NPHP1: variants seen among roughly 807,000 people sequenced by gnomAD.
NPHP1 encodes the protein nephrocystin-1.
Under a neutral mutation model 90.4 loss-of-function variants are expected in NPHP1, and 70 were observed. That is an observed-to-expected ratio of 0.77 (90% CI 0.64 to 0.95). The LOEUF (loss-of-function observed/expected upper bound fraction) is 0.95. NPHP1 is among the 40% of genes least tolerant of loss of function. NPHP1 has a pLI of 0.00. For synonymous variants in NPHP1, 256 were observed against 271.7 expected (o/e 0.94, Z 0.57); for missense variants, 764 against 795.9 (o/e 0.96, Z 0.48).
intron 5 of NPHP1, among the ~76,000 whole-genome samples, chr2:110,169,310 T>C (rs1211112284): frequency 1.3e-5 from 2 of 152,166 alleles, no homozygotes; most frequent in African/African-American, 2.4e-5. Context: ...TAAATTTCTT[T>C]GGCTCATTTC....
At chr2:110,144,317 T>C (rs1292655504) in intron 15 of NPHP1, 176 bp downstream of exon 15, 2 of 600,116 alleles carry the variant, frequency 3.3e-6, no homozygotes, top group Non-Finnish European at 6.0e-6. Flanking sequence ...GAGTCTCATA[T>C]GTGTTACCAA....
chr2:110,166,270 G>T (rs534406529), intron 6 of NPHP1, among the ~76,000 whole-genome samples: 48 of 152,272 alleles, frequency 3.2e-4, no homozygotes, highest in African/African-American at 1.1e-3. Flanking sequence ...GGATAATCGG[G>T]CAAGTGTGCA....
chr2:110,184,695 C>G, intron 2 of NPHP1: 3 of 730,408 alleles, frequency 4.1e-6, no homozygotes, highest in Non-Finnish European at 5.0e-6. Context: ...GATTTCCACT[C>G]ATCCTTTGAG....
intron 18 of NPHP1, chr2:110,125,942 G>A (rs1033591370): frequency 2.0e-5 from 10 of 505,670 alleles, no homozygotes; most frequent in Admixed American, 6.5e-5. Flanking sequence ...TAGAATCAGC[G>A]AAACACTAAC....
At chr2:110,185,239 G>C (rs1810096) in intron 2 of NPHP1, 197,964 of 496,002 alleles carry the variant, frequency 0.4, 42,978 homozygotes, top group African/African-American at 0.61. Flanking sequence ...AACTCGCTTT[G>C]TTGAGTCAGA....
chr2:110,129,702 G>A (rs550280091), intron 17 of NPHP1, among the ~76,000 whole-genome samples: 14 of 152,246 alleles, frequency 9.2e-5, no homozygotes, highest in East Asian at 3.9e-4. Flanking sequence ...GGCCACCAGC[G>A]CTCAGGGAAG....
chr2:110,136,747 C>A (rs1020295395), intron 16 of NPHP1, among the ~76,000 whole-genome samples: 1 of 152,180 alleles, frequency 6.6e-6, no homozygotes, highest in Non-Finnish European at 1.5e-5. Context: ...GGCTATACCG[C>A]CCAAGGTAAT....
chr2:110,191,495 A>G (rs1164848534), intron 2 of NPHP1, among the ~76,000 whole-genome samples: 1 of 152,220 alleles, frequency 6.6e-6, no homozygotes, highest in East Asian at 1.9e-4. Flanking sequence ...TGAGTAGGTA[A>G]ACAAAGCAGC....
chr2:110,182,611 C>T (rs1483912325), intron 2 of NPHP1, among the ~76,000 whole-genome samples: 1 of 152,126 alleles, frequency 6.6e-6, no homozygotes, highest in Non-Finnish European at 1.5e-5. Flanking sequence ...TTTGTCACCA[C>T]CAGGCCTGCC....
At chr2:110,180,660 G>T (rs1683832738) in intron 2 of NPHP1, among the ~76,000 whole-genome samples, 1 of 152,042 alleles carries the variant, frequency 6.6e-6, no homozygotes, top group African/African-American at 2.4e-5. Context: ...CAAACACCTT[G>T]ACCCATGAGA....
chr2:110,133,157 A>G (rs763557513), intron 16 of NPHP1, among the ~76,000 whole-genome samples: 1 of 152,126 alleles, frequency 6.6e-6, no homozygotes, highest in Non-Finnish European at 1.5e-5. Flanking sequence ...TATGTTATCT[A>G]TAAGAGACTC....
intron 12 of NPHP1, among the ~76,000 whole-genome samples, chr2:110,148,616 C>G (rs1331617623): frequency 6.6e-6 from 1 of 152,068 alleles, no homozygotes; most frequent in Non-Finnish European, 1.5e-5. Context: ...AATTTAACTT[C>G]ACTTTTAAAG....
chr2:110,168,982 G>T (rs1682916839), intron 5 of NPHP1, among the ~76,000 whole-genome samples: 1 of 151,794 alleles, frequency 6.6e-6, no homozygotes, highest in African/African-American at 2.4e-5. Flanking sequence ...CCCTATTTTT[G>T]AGCAAAAATA....
intron 2 of NPHP1, among the ~76,000 whole-genome samples, chr2:110,200,379 C>T (rs1301030402): frequency 1.3e-5 from 2 of 152,188 alleles, no homozygotes; most frequent in African/African-American, 2.4e-5. Flanking sequence ...GCCTGGCCAA[C>T]GTGATGAAAC....
intron 11 of NPHP1, among the ~76,000 whole-genome samples, chr2:110,155,131 G>T (rs1184549095): frequency 1.3e-5 from 2 of 152,130 alleles, no homozygotes; most frequent in Non-Finnish European, 2.9e-5. Context: ...AAGGGGCCAA[G>T]ATAAGCTCAG....
intron 11 of NPHP1, among the ~76,000 whole-genome samples, chr2:110,159,902 C>CT (rs74744530): frequency 3.3e-5 from 5 of 151,636 alleles, no homozygotes; most frequent in African/African-American, 9.7e-5. Flanking sequence ...AATCTTTTAT[C>CT]TTTTTTTTAA....
In NPHP1 at chr2:110,147,818, C is replaced by T. The variant is rs1681171567; in HGVS notation, c.1269+98G>A. 4 of 748,460 alleles carry T rather than the reference C, an allele frequency of 5.3e-6. No homozygotes were observed. The East Asian group carries it at 1.0e-4, about 19-fold the overall frequency. 46.4% of individuals were successfully genotyped at this position (748,460 alleles called of 1,614,324 possible). Reference sequence around the variant, plus strand: ...TCCTCAAGGGATTAAAATTCAATTACACATAAAGACTTCAAGGATTTCCTT... The same window carrying T: ...TCCTCAAGGGATTAAAATTCAATTATACATAAAGACTTCAAGGATTTCCTT... On this transcript the variant is annotated intron_variant, in intron 13 of 19. Transcript: ENST00000445609.
At chr2:110,182,366 AG>A (rs1450390475) in intron 2 of NPHP1, among the ~76,000 whole-genome samples, 2 of 151,952 alleles carry the variant, frequency 1.3e-5, no homozygotes, top group African/African-American at 4.8e-5. Context: ...AAAAAAAAAA[AG>A]TTAAAGGCAG....
rs141003164 is a variant in NPHP1, at chr2:110,183,402, G to A, written c.144-3718C>T. On this transcript the variant is annotated intron_variant, in intron 2 of 19. Coordinates refer to ENST00000445609, the MANE Select transcript of NPHP1 (RefSeq NM_001128178.3). Reference sequence around the variant, plus strand: ...CTAGCCAGAACCTCCCCTTTATTTCGGCCCATCCCTTTATTTCCCGTAAGG... The same window carrying A: ...CTAGCCAGAACCTCCCCTTTATTTCAGCCCATCCCTTTATTTCCCGTAAGG... Among the ~76,000 whole-genome samples the A allele has an allele frequency of 2.0e-3, 309 of 152,176 alleles. 3 individuals carry two copies. Among genetic ancestry groups the A allele is most frequent in the East Asian group, 0.014 (75 of 5,180 alleles).
Sources: gnomAD v4.1 joint callset for allele counts (sites outside exome capture counted in the v4.1 genomes callset) on GRCh38, gnomAD v4.1.1 for gene constraint, MANE v1.5 for transcripts, NCBI Gene and HGNC (gene_info 2026-07-23, HGNC 2026-07-21) for gene names.